Variants in ASIC2 observed in about 807,000 individuals in gnomAD.
ASIC2 encodes the protein acid sensing ion channel subunit 2, also known as acid-sensing ion channel 2.
Under a neutral mutation model 57.3 loss-of-function variants are expected in ASIC2, and 25 were observed. The ratio of observed to expected loss-of-function variants is 0.44; its 90% confidence interval spans 0.32 to 0.61. The LOEUF is 0.61. Among genes scored for constraint, ASIC2 ranks in the 20% least tolerant of loss-of-function variants. ASIC2 has a pLI of 0.06. For missense variants in ASIC2, 641 were observed against 738.1 expected, an observed-to-expected ratio of 0.87 and a Z score of 1.52; for synonymous variants, 319 against 307.5, an observed-to-expected ratio of 1.04 and a Z score of -0.39.
chr17:33,021,326 T>C lies in ASIC2; in HGVS notation c.1350-16A>G. The C allele has an allele frequency of 6.4e-7, 1 of 1,564,314 alleles. No individual in the cohort carries two copies. Among genetic ancestry groups the C allele is most frequent in the South Asian group, 1.1e-5 (1 of 89,820 alleles). Reference sequence around the variant, plus strand: ...GATGTTCTCTCTGCAGAGAGAATAGTCAGTACCATACATGGTTAGAGCTAT... The same window carrying C: ...GATGTTCTCTCTGCAGAGAGAATAGCCAGTACCATACATGGTTAGAGCTAT... On this transcript the variant is annotated splice_polypyrimidine_tract_variant and intron_variant, in intron 6 of 9. Transcript: ENST00000225823.
intron 1 of ASIC2, among the ~76,000 whole-genome samples, chr17:33,300,505 A>G (rs551560437): frequency 6.6e-6 from 1 of 152,296 alleles, no homozygotes; most frequent in South Asian, 2.1e-4. Flanking sequence ...TTTGCTAGAT[A>G]CCCTAATGGA....
chr17:33,135,179 C>A (rs1192489453), intron 1 of ASIC2, among the ~76,000 whole-genome samples: 1 of 152,152 alleles, frequency 6.6e-6, no homozygotes, highest in Non-Finnish European at 1.5e-5. Context: ...CCTGCTCATC[C>A]TTCTTCCACC....
chr17:33,156,452 T>G (rs1187391670), intron 1 of ASIC2, among the ~76,000 whole-genome samples: 1 of 152,026 alleles, frequency 6.6e-6, no homozygotes, highest in Non-Finnish European at 1.5e-5. Flanking sequence ...GATCAGCTTT[T>G]AAAAATAATC....
At chr17:34,078,563 C>G (rs1022186978) in intron 1 of ASIC2, among the ~76,000 whole-genome samples, 1 of 152,074 alleles carries the variant, frequency 6.6e-6, no homozygotes, top group Non-Finnish European at 1.5e-5. Flanking sequence ...CTAGCACCCC[C>G]GGAAGTGCTG....
intron 1 of ASIC2, among the ~76,000 whole-genome samples, chr17:34,107,264 G>A (rs991922032): frequency 6.6e-6 from 1 of 152,090 alleles, no homozygotes; most frequent in East Asian, 1.9e-4. Context: ...CACTTTGGGA[G>A]GCCAAGGCAG....
intron 3 of ASIC2, among the ~76,000 whole-genome samples, chr17:33,032,832 A>G (rs2091890195): frequency 6.6e-6 from 1 of 152,206 alleles, no homozygotes; most frequent in South Asian, 2.1e-4. Context: ...ATCCACATAT[A>G]TACCATTTTC....
intron 1 of ASIC2, among the ~76,000 whole-genome samples, chr17:33,347,310 C>A (rs1907987362): frequency 6.6e-6 from 1 of 152,142 alleles, no homozygotes; most frequent in African/African-American, 2.4e-5. Context: ...TGATAAGGAT[C>A]GTTGCTGTTG....
intron 1 of ASIC2, among the ~76,000 whole-genome samples, chr17:34,052,217 CACTG>C (rs1486867271): frequency 1.9e-4 from 29 of 152,156 alleles, no homozygotes; most frequent in Admixed American, 6.5e-5. Context: ...GACAAACCAC[CACTG>C]ATCCTTCCAG....
In ASIC2 at chr17:33,293,043, C is replaced by G. The variant is rs569550269; in HGVS notation, c.-928G>C. ...CTGTCTCTCGCGTCTTCTCTCTGCCCCCGCGGCGACAAGAGCTGGGGACTG... is the reference window on the plus strand; with the variant it reads ...CTGTCTCTCGCGTCTTCTCTCTGCCGCCGCGGCGACAAGAGCTGGGGACTG... On this transcript the variant is annotated 5_prime_UTR_variant, in exon 1 of 10. Transcript: ENST00000225823. 1 of 985,424 alleles carries G rather than the reference C, an allele frequency of 1.0e-6. No individual in the cohort carries two copies. 61.0% of individuals were successfully genotyped at this position (985,424 alleles called of 1,614,324 possible). A position where few individuals can be genotyped will look rare whatever the true frequency, so the allele number is the denominator to read the frequency against.
At chr17:33,450,228 G>A (rs1253683172) in intron 1 of ASIC2, among the ~76,000 whole-genome samples, 6 of 152,234 alleles carry the variant, frequency 3.9e-5, no homozygotes, top group Non-Finnish European at 2.9e-5. Context: ...CCGTATACAT[G>A]CAGAAAATAC....
chr17:33,548,694 A>G (rs908332857), intron 1 of ASIC2, among the ~76,000 whole-genome samples: 5 of 152,142 alleles, frequency 3.3e-5, no homozygotes, highest in African/African-American at 1.2e-4. Flanking sequence ...CTGGTCAGTT[A>G]TGGTCAGACA....
At chr17:33,285,203 T>C (rs1234007892) in intron 1 of ASIC2, among the ~76,000 whole-genome samples, 1 of 152,202 alleles carries the variant, frequency 6.6e-6, no homozygotes, top group Non-Finnish European at 1.5e-5. Context: ...GGCCCCAAAA[T>C]AGCCACTATC....
chr17:34,019,166 T>C lies in ASIC2; in HGVS notation c.555+136812A>G, dbSNP rs1233576341. ...CTCATGATCCGCCCTCCTTGGCCTCTCAAAGTGCGGGATTACAGGCTTGAG... is the reference window on the plus strand; with the variant it reads ...CTCATGATCCGCCCTCCTTGGCCTCCCAAAGTGCGGGATTACAGGCTTGAG... On this transcript the variant is annotated intron_variant, in intron 1 of 9. Transcript: ENST00000359872. Among the ~76,000 whole-genome samples, 4 of 152,062 alleles carry C rather than the reference T, an allele frequency of 2.6e-5. No individual in the cohort carries two copies. The East Asian group carries it at 5.8e-4, about 22-fold the overall frequency.
At chr17:33,152,326 AC>A (rs1904834963) in intron 1 of ASIC2, among the ~76,000 whole-genome samples, 1 of 152,214 alleles carries the variant, frequency 6.6e-6, no homozygotes, top group South Asian at 2.1e-4. Flanking sequence ...AGATGCCTTC[AC>A]AAAGATGCCT....
chr17:33,612,790 T>C (rs1050336324), intron 1 of ASIC2, among the ~76,000 whole-genome samples: 14 of 152,246 alleles, frequency 9.2e-5, no homozygotes, highest in Non-Finnish European at 1.0e-4. Flanking sequence ...GGAGCACAGC[T>C]GCATCAGATT....
chr17:33,525,018 A>C (rs554172353), intron 1 of ASIC2, among the ~76,000 whole-genome samples: 5 of 152,154 alleles, frequency 3.3e-5, no homozygotes, highest in Non-Finnish European at 7.3e-5. Flanking sequence ...GTCTATCTTC[A>C]TTATACCTAC....
chr17:33,015,350 T>G (rs1256665572), intron 9 of ASIC2, among the ~76,000 whole-genome samples: 1 of 152,144 alleles, frequency 6.6e-6, no homozygotes, highest in Non-Finnish European at 1.5e-5. Flanking sequence ...ACAGAGGGGC[T>G]GCCCTCGGGC....
chr17:33,938,847 C>T (rs1333406386), intron 1 of ASIC2, among the ~76,000 whole-genome samples: 6 of 152,236 alleles, frequency 3.9e-5, no homozygotes, highest in African/African-American at 1.4e-4. Flanking sequence ...AGGCTGGGGT[C>T]TTTACCCACT....
intron 1 of ASIC2, among the ~76,000 whole-genome samples, chr17:33,545,050 A>G (rs1915536852): frequency 6.6e-6 from 1 of 152,188 alleles, no homozygotes; most frequent in Admixed American, 6.5e-5. Flanking sequence ...CAGTTGAATT[A>G]TGTATCACCA....
Sources: gnomAD v4.1 joint callset for allele counts (sites outside exome capture counted in the v4.1 genomes callset) on GRCh38, gnomAD v4.1.1 for gene constraint, MANE v1.5 for transcripts, NCBI Gene and HGNC (gene_info 2026-07-23, HGNC 2026-07-21) for gene names.